TBC1D8: variants seen among roughly 807,000 people sequenced by gnomAD.
TBC1D8 encodes the protein TBC1 domain family member 8, also known as BUB2-like protein 1.
TBC1D8 carries 65 observed loss-of-function variants against 118.8 expected under a neutral mutation model. The observed-to-expected ratio is 0.55, with a 90% CI of 0.45 to 0.67. TBC1D8 has a LOEUF of 0.67. TBC1D8 is among the 30% of genes least tolerant of loss of function. The pLI is 0.00. For synonymous variants in TBC1D8, 566 were observed against 595.8 expected, an observed-to-expected ratio of 0.95 and a Z score of 0.73; for missense variants, 1,376 against 1,471.2, an observed-to-expected ratio of 0.94 and a Z score of 1.06.
At chr2:101,015,532 C>T (rs187261148) in intron 17 of TBC1D8, among the ~76,000 whole-genome samples, 2 of 152,284 alleles carry the variant, frequency 1.3e-5, no homozygotes, top group Non-Finnish European at 2.9e-5. Context: ...CATTGTACAG[C>T]TGTGAAAAAT....
At chr2:101,079,781 GT>G (rs1675139291) in intron 2 of TBC1D8, among the ~76,000 whole-genome samples, 1 of 149,938 alleles carries the variant, frequency 6.7e-6, no homozygotes, top group Non-Finnish European at 1.5e-5. Flanking sequence ...CGCCTCCCGG[GT>G]TCACGCCATT....
In TBC1D8 at chr2:101,040,209, C is replaced by A; in HGVS notation, c.1049G>T (p.Gly350Val). 2 of 1,614,042 alleles carry A rather than the reference C, an allele frequency of 1.2e-6. No individual in the cohort carries two copies. The highest frequency in any genetic ancestry group is 1.7e-5 in the Admixed American group (1 of 60,028). The change falls in exon 6 of 20, where the codon GGC (glycine) becomes GTC (valine). Residue 350 changes from glycine (G) to valine (V), a missense_variant. Transcript: ENST00000409318. ...GAGTGGCAGGATGATCTTACAGCAG[C>A]CATCTTCTCTGCTGGCAAAGCAGAT... ...SYICFASREDGCCKIILPLRE... is the reference protein window; with the variant it reads ...SYICFASREDVCCKIILPLRE...
At chr2:101,028,196 G>A in intron 13 of TBC1D8, 50 bp from the exon 14 acceptor site, 1 of 1,609,284 alleles carries the variant, frequency 6.2e-7, no homozygotes, top group South Asian at 1.1e-5. Flanking sequence ...CATCCAAAGT[G>A]TGGAAACAGG....
At chr2:101,143,312 C>T (rs1001084893) in intron 1 of TBC1D8, among the ~76,000 whole-genome samples, 12 of 152,062 alleles carry the variant, frequency 7.9e-5, no homozygotes, top group Non-Finnish European at 4.4e-5. Flanking sequence ...CTGCCCACCT[C>T]GGCCTCCGAA....
rs140827545 is a variant in TBC1D8 at position 101,067,782 on chromosome 2, T to C, written c.284-8243A>G. Among the ~76,000 whole-genome samples the C allele has an allele frequency of 6.1e-4, 93 of 152,346 alleles. 1 individual carries two copies. Among genetic ancestry groups the C allele is most frequent in the Admixed American group, 5.6e-3 (85 of 15,298 alleles). ...AATGACAATGAAGTTTCTGGCACGA[T>C]TGACTCTCTCTTTCACGAAGATGCT... On this transcript the variant is annotated intron_variant, in intron 2 of 19. Coordinates refer to ENST00000409318, the MANE Select transcript of TBC1D8 (RefSeq NM_001330348.2).
intron 1 of TBC1D8, among the ~76,000 whole-genome samples, chr2:101,144,854 C>T (rs1679256747): frequency 6.6e-6 from 1 of 152,110 alleles, no homozygotes; most frequent in African/African-American, 2.4e-5. Context: ...AGAAGAATCG[C>T]TTGAACCCAG....
chr2:101,016,046 T>C (rs1356781471), intron 17 of TBC1D8, among the ~76,000 whole-genome samples: 3 of 151,658 alleles, frequency 2.0e-5, no homozygotes, highest in Non-Finnish European at 4.4e-5. Flanking sequence ...CCAAAAGCAA[T>C]GGCAACAAAA....
At chr2:101,025,425 C>T (rs1352362710) in intron 15 of TBC1D8, among the ~76,000 whole-genome samples, 1 of 152,084 alleles carries the variant, frequency 6.6e-6, no homozygotes, top group East Asian at 1.9e-4. Context: ...CAGGTTTTCA[C>T]GATGTTGGCC....
At chr2:101,098,734 T>A (rs11688666) in intron 1 of TBC1D8, among the ~76,000 whole-genome samples, 22,910 of 152,108 alleles carry the variant, frequency 0.15, 1,893 homozygotes, top group Middle Eastern at 0.25. Context: ...CACAATTTCA[T>A]GGAAATTGAA....
chr2:101,114,894 C>T (rs1036488639), intron 1 of TBC1D8, among the ~76,000 whole-genome samples: 9 of 151,054 alleles, frequency 6.0e-5, no homozygotes, highest in Non-Finnish European at 7.4e-5. Context: ...AACAGGGGTG[C>T]CACCCCACGG....
Position 101,040,295 on chromosome 2 carries a change from C to T in TBC1D8, c.963G>A (p.Ser321=), listed in dbSNP as rs760972142. ...KEKLHAVVDC[S]LWTPFSRCHT... ...GACAGCGACTGAACGGCGTCCAGAG[C>T]GAACAGTCCACAACCGCGTGCAGCT... Residue 321 remains serine, a synonymous_variant, in exon 6 of 20, where the codon TCG becomes TCA. Transcript: ENST00000409318. The T allele has an allele frequency of 2.1e-5, 34 of 1,613,884 alleles. No individual in the cohort carries two copies. Among genetic ancestry groups the T allele is most frequent in the South Asian group, 1.4e-4 (13 of 91,090 alleles).
Position 101,007,331 on chromosome 2 carries a change from A to AAT in TBC1D8, c.*488_*489dup. On this transcript the variant is annotated 3_prime_UTR_variant, in exon 20 of 20. Coordinates refer to ENST00000409318, the MANE Select transcript of TBC1D8 (RefSeq NM_001330348.2). ...AGGACATATAAAGTGAATACAACCA[A>AAT]ATATATTAAAATGGTTTCAATTACC... 6.5e-6 allele frequency: 1 copy of AAT among 154,408 alleles called. No homozygotes were observed. The highest frequency in any genetic ancestry group is 1.9e-4 in the East Asian group (1 of 5,258). The allele number at this position is 154,408 out of a possible 1,614,324, so 9.6% of individuals were successfully genotyped here.
At chr2:101,071,210 T>C (rs1454577735) in intron 2 of TBC1D8, among the ~76,000 whole-genome samples, 2 of 151,984 alleles carry the variant, frequency 1.3e-5, no homozygotes, top group Non-Finnish European at 2.9e-5. Context: ...GGTGTGGTGG[T>C]GGGCGCCTAT....
At chr2:101,014,605 C>A (rs1679476657) in intron 17 of TBC1D8, among the ~76,000 whole-genome samples, 1 of 152,220 alleles carries the variant, frequency 6.6e-6, no homozygotes, top group African/African-American at 2.4e-5. Flanking sequence ...TCCATTTCAC[C>A]TGGTGAGCCT....
intron 1 of TBC1D8, among the ~76,000 whole-genome samples, chr2:101,129,021 G>C (rs1338551955): frequency 6.6e-6 from 1 of 152,304 alleles, no homozygotes; most frequent in South Asian, 2.1e-4. Flanking sequence ...CTGGAAATTA[G>C]ATGGTAGTGA....
At chr2:101,135,997 T>A (rs973123108) in intron 1 of TBC1D8, among the ~76,000 whole-genome samples, 1 of 152,204 alleles carries the variant, frequency 6.6e-6, no homozygotes, top group African/African-American at 2.4e-5. Context: ...TAGCTGGGAC[T>A]ACAGGCAGGC....
At chr2:101,059,028 C>T (rs975306302) in intron 3 of TBC1D8, among the ~76,000 whole-genome samples, 3 of 151,984 alleles carry the variant, frequency 2.0e-5, no homozygotes, top group South Asian at 2.1e-4. Flanking sequence ...GCCTCAGCCT[C>T]CCGAGTAGCT....
In TBC1D8 at chr2:101,038,578, G is replaced by C. The variant is rs1211926545; in HGVS notation, c.1158C>G (p.Ala386=). Residue 386 remains alanine, a synonymous_variant, in exon 7 of 20, where the codon GCC becomes GCG. Transcript: ENST00000409318. ...PIIVSIRSKV[A]FQFIELRDRD... ...GGTCCCGGAGCTCAATGAACTGGAA[G>C]GCCACCTTGCTTCTGATACTGACAA... The C allele has an allele frequency of 3.1e-6, 5 of 1,613,826 alleles. No individual in the cohort carries two copies. The African/African-American group carries it at 6.7e-5, about 22-fold the overall frequency.
At chr2:101,144,079 T>G (rs141798415) in intron 1 of TBC1D8, among the ~76,000 whole-genome samples, 1 of 152,392 alleles carries the variant, frequency 6.6e-6, no homozygotes, top group East Asian at 1.9e-4. Flanking sequence ...TGATATCTCC[T>G]ACATGACATC....
Sources: allele counts gnomAD v4.1 joint callset (sites outside exome capture counted in the v4.1 genomes callset), GRCh38; gene constraint gnomAD v4.1.1; transcripts MANE v1.5; gene names NCBI Gene and HGNC (gene_info 2026-07-23, HGNC 2026-07-21).